The following ABCB9 variants were observed in gnomAD, a reference collection of about 807,000 sequenced individuals.
ABCB9 encodes the protein ABC-type oligopeptide transporter ABCB9.
ABCB9 carries 36 observed loss-of-function variants against 62.0 expected under a neutral mutation model. The ratio of observed to expected loss-of-function variants is 0.58; its 90% CI spans 0.45 to 0.77. ABCB9 has a LOEUF of 0.77. ABCB9 is among the 30% of genes least tolerant of loss of function. The probability of loss-of-function intolerance (pLI) is 0.00; values close to 1 mark genes in which losing one functional copy is unlikely to be tolerated. For missense variants in ABCB9, 943 were observed against 1,054.7 expected (o/e 0.89, Z 1.47); for synonymous variants, 435 against 461.4 (o/e 0.94, Z 0.73).
intron 11 of ABCB9, among the ~76,000 whole-genome samples, chr12:122,923,805 G>C (rs1310257035): frequency 2.0e-5 from 3 of 152,138 alleles, no homozygotes; most frequent in Non-Finnish European, 4.4e-5. Context: ...AAAAGTTCTG[G>C]AACAAAACCC....
At chr12:122,969,725 C>T (rs1220174866), upstream of ABCB9, among the ~76,000 whole-genome samples, 15 of 148,424 alleles carry the variant, frequency 1.0e-4, no homozygotes, top group Non-Finnish European at 1.5e-4. Context: ...CGACAGAGAC[C>T]CTGTCTCAAA....
chr12:122,933,509 G>A (rs949692456), intron 10 of ABCB9, among the ~76,000 whole-genome samples: 4 of 151,560 alleles, frequency 2.6e-5, no homozygotes, highest in Admixed American at 6.6e-5. Flanking sequence ...AGCCGAGATC[G>A]CGCCACTGCA....
chr12:122,957,039 A>ATT (rs60959704), intron 2 of ABCB9, among the ~76,000 whole-genome samples: 2 of 142,586 alleles, frequency 1.4e-5, no homozygotes, highest in Non-Finnish European at 1.5e-5. Flanking sequence ...TCCTTCTCCT[A>ATT]TTTTTTTTTT....
At chr12:122,965,427 C>T (rs766139093) in intron 1 of ABCB9, among the ~76,000 whole-genome samples, 1 of 152,306 alleles carries the variant, frequency 6.6e-6, no homozygotes, top group Non-Finnish European at 1.5e-5. Context: ...GGTGGGAGGG[C>T]CTGACTGTGG....
chr12:122,962,487 A>G lies in ABCB9; in HGVS notation c.-87-2165T>C, dbSNP rs74397375. 6.6e-5 allele frequency among the ~76,000 whole-genome samples: 10 copies of G among 152,304 alleles called. No homozygotes were observed. In the East Asian group the frequency reaches 1.9e-3, roughly 29 times the overall value. On this transcript the variant is annotated intron_variant, in intron 1 of 11. Transcript: ENST00000280560. ...GCGCCCAGGTGCCCAAACCGCTCAC[A>G]CTGTGGCATGACTGGAACCTCACAC...
Position 122,956,899 on chromosome 12 carries a change from C to T in ABCB9, c.601+2736G>A, listed in dbSNP as rs142690829. Among the ~76,000 whole-genome samples, 1,014 of 152,294 alleles carry T rather than the reference C, an allele frequency of 6.7e-3. 7 individuals are homozygous for T. Among genetic ancestry groups the T allele is most frequent in the Middle Eastern group, 0.017 (5 of 294 alleles). On this transcript the variant is annotated intron_variant, in intron 2 of 11. Coordinates refer to ENST00000280560, the MANE Select transcript of ABCB9 (RefSeq NM_019625.4). ...TCTCAAACTCCTGACCTCAAGTGATCTGCCCACCTCGGCCTCCCAAAGTGT... is the reference window on the plus strand; with the variant it reads ...TCTCAAACTCCTGACCTCAAGTGATTTGCCCACCTCGGCCTCCCAAAGTGT...
chr12:122,943,048 C>G (rs546294113), intron 7 of ABCB9, among the ~76,000 whole-genome samples: 1 of 152,154 alleles, frequency 6.6e-6, no homozygotes, highest in African/African-American at 2.4e-5. Flanking sequence ...TTACTGCCTG[C>G]GGGCTGCGGG....
intron 3 of ABCB9, 67 bp from the exon 4 acceptor site, chr12:122,949,985 C>T (rs2036271277): frequency 1.3e-6 from 2 of 1,597,352 alleles, no homozygotes; most frequent in African/African-American, 2.7e-5. Flanking sequence ...CCGGCTGCCC[C>T]CTCCCGCTGC....
chr12:122,947,083 A>T lies in ABCB9; in HGVS notation c.1054-861T>A, dbSNP rs898081282. Among the ~76,000 whole-genome samples, 1 of 152,196 alleles carries T rather than the reference A, an allele frequency of 6.6e-6. No homozygotes were observed. Among genetic ancestry groups the T allele is most frequent in the Admixed American group, 6.5e-5 (1 of 15,268 alleles). Reference sequence around the variant, plus strand: ...CTGGCTACACACAACACATTCAGGCATGGGGTGGAAAACCCAAACAGAGCC... The same window carrying T: ...CTGGCTACACACAACACATTCAGGCTTGGGGTGGAAAACCCAAACAGAGCC... On this transcript the variant is annotated intron_variant, in intron 5 of 11. Coordinates refer to ENST00000280560, the MANE Select transcript of ABCB9 (RefSeq NM_019625.4). This position sits in a 1 kb window ranked among gnomAD's most constrained non-coding sequence, Gnocchi z 6.0.
intron 5 of ABCB9, chr12:122,948,356 G>A (rs797007245): frequency 2.9e-6 from 1 of 350,856 alleles, no homozygotes; most frequent in Non-Finnish European, 5.2e-6. Context: ...TCTTTATGCT[G>A]TTGGTACCTA....
rs145637805 is a variant in ABCB9, at chr12:122,930,060, C to T, written c.2152G>A (p.Val718Ile). ...HLIVVLDKGR[V>I]VQQGTHQQLL... The stretch of plus-strand genomic sequence containing the variant: ...TGCTGGTGGGTGCCCTGCTGCACTA[C>T]GCGGCCCTTGTCCAGCACCACAATG... Residue 718 changes from valine (V) to isoleucine (I), a missense_variant, in exon 12 of 12, where the codon GTA becomes ATA. By Grantham distance (29) the Val-to-Ile change is conservative (BLOSUM62 3). Coordinates refer to ENST00000280560, the MANE Select transcript of ABCB9 (RefSeq NM_019625.4). The surrounding 1 kb of genome is among the most constrained non-coding windows in gnomAD (Gnocchi z 4.9). 64 of 1,568,468 alleles carry T rather than the reference C, an allele frequency of 4.1e-5. No individual in the cohort carries two copies. The highest frequency in any genetic ancestry group is 2.8e-4 in the African/African-American group (21 of 74,176).
At chr12:122,972,637 A>G (rs1035210448) in intron 1 of ABCB9, among the ~76,000 whole-genome samples, 6 of 151,982 alleles carry the variant, frequency 3.9e-5, no homozygotes, top group Non-Finnish European at 7.4e-5. Context: ...CAGCCTCCCG[A>G]GTAGCTGGGA....
exon 1 of ABCB9, chr12:122,974,884 GGT>G (rs2037360846): frequency 5.4e-6 from 1 of 185,646 alleles, no homozygotes; most frequent in Non-Finnish European, 1.1e-5. Context: ...CAGCTCGGCT[GGT>G]TCTCCACGAG....
Position 122,960,091 on chromosome 12 carries a change from C to A in ABCB9, c.145G>T (p.Asp49Tyr). 6.2e-7 allele frequency: 1 copy of A among 1,613,528 alleles called. No individual in the cohort carries two copies. The highest frequency in any genetic ancestry group is 1.1e-5 in the South Asian group (1 of 91,084). Residue 49 changes from aspartate (D) to tyrosine (Y), a missense_variant, in exon 2 of 12, where the codon GAT becomes TAT. Asp to Tyr is a radical substitution (Grantham distance 160, BLOSUM62 -3). Coordinates refer to ENST00000280560, the MANE Select transcript of ABCB9 (RefSeq NM_019625.4). ...CGGTACAGGCAGGCTGCCCAGAGAT[C>A]CAGCACCGAGTCAAAGATGTTGAAG... ...RHFNIFDSVLDLWAACLYRSC... is the reference protein window; with the variant it reads ...RHFNIFDSVLYLWAACLYRSC...
chr12:122,928,226 T>C (rs2034963328), downstream of ABCB9, among the ~76,000 whole-genome samples: 1 of 152,084 alleles, frequency 6.6e-6, no homozygotes, highest in South Asian at 2.1e-4. Context: ...TCCCAGCACT[T>C]AGGGAGGCCA....
upstream of ABCB9, among the ~76,000 whole-genome samples, chr12:122,969,479 G>A (rs1439015562): frequency 1.3e-5 from 2 of 152,224 alleles, no homozygotes; most frequent in Admixed American, 1.3e-4. Flanking sequence ...TCCAGGCAAT[G>A]TGGCTTATGC....
At position 122,944,079 on chromosome 12, in the gene ABCB9, C is replaced by T. The variant is rs1394175977; in HGVS notation, c.1380+312G>A. Among the ~76,000 whole-genome samples, 2 of 152,198 alleles carry T rather than the reference C, an allele frequency of 1.3e-5. No individual in the cohort carries two copies. Among genetic ancestry groups the T allele is most frequent in the Non-Finnish European group, 2.9e-5 (2 of 68,046 alleles). On this transcript the variant is annotated intron_variant, in intron 7 of 11. Coordinates refer to ENST00000280560, the MANE Select transcript of ABCB9 (RefSeq NM_019625.4). This position sits in a 1 kb window ranked among gnomAD's most constrained non-coding sequence, Gnocchi z 4.9. Reference sequence around the variant, plus strand: ...AAGTAGCTGGGATTACAGGTACCCACCAACACGCTTGGCTAATTTTTGTGT... The same window carrying T: ...AAGTAGCTGGGATTACAGGTACCCATCAACACGCTTGGCTAATTTTTGTGT...
At chr12:122,926,237 C>T (rs1000013581), downstream of ABCB9, among the ~76,000 whole-genome samples, 2 of 152,062 alleles carry the variant, frequency 1.3e-5, no homozygotes, top group Non-Finnish European at 2.9e-5. Flanking sequence ...CATGTTGCTG[C>T]AATAAAAACA....
At chr12:122,948,558 C>T (rs1342190562) in intron 5 of ABCB9, 66 bp downstream of exon 5, 2 of 1,454,144 alleles carry the variant, frequency 1.4e-6, no homozygotes, top group African/African-American at 1.4e-5. Context: ...CCCCTGAGCC[C>T]CTCCTAAGGG....
Sources: gnomAD v4.1 joint callset for allele counts (sites outside exome capture counted in the v4.1 genomes callset) on GRCh38, gnomAD v4.1.1 for gene constraint, Gnocchi (gnomAD v3.1) non-coding constraint, MANE v1.5 for transcripts, NCBI Gene and HGNC (gene_info 2026-07-23, HGNC 2026-07-21) for gene names.